The following CASR variants were observed in gnomAD, a reference collection of about 807,000 sequenced individuals.
The protein encoded by CASR is calcium sensing receptor, also known as extracellular calcium-sensing receptor.
CASR carries 23 observed loss-of-function variants against 69.1 expected under a neutral mutation model. The ratio of observed to expected loss-of-function variants is 0.33; its 90% CI spans 0.24 to 0.47. CASR has a LOEUF of 0.47. Ranked by LOEUF, CASR falls within the 20% of genes least tolerant of loss-of-function variation. The pLI is 1.00. For synonymous variants in CASR, 541 were observed against 544.7 expected, an observed-to-expected ratio of 0.99 and a Z score of 0.10; for missense variants, 924 against 1,356.1, an observed-to-expected ratio of 0.68 and a Z score of 5.00.
At chr3:122,276,082 G>A (rs1274379203) in intron 5 of CASR, 40 bp downstream of exon 5, 1 of 1,344,718 alleles carries the variant, frequency 7.4e-7, no homozygotes, top group Admixed American at 1.7e-5. Flanking sequence ...TCTCCACCAG[G>A]GGCAGGAAAC....
chr3:122,282,142 C>A lies in CASR; in HGVS notation c.1638C>A (p.Cys546Ter). 1 of 1,614,176 alleles carries A rather than the reference C, an allele frequency of 6.2e-7. No individual in the cohort carries two copies. The highest frequency in any genetic ancestry group is 8.5e-7 in the Non-Finnish European group (1 of 1,180,000). Residue 546 changes from cysteine to a stop codon, truncating the protein, a stop_gained, in exon 6 of 7, where the codon TGC becomes TGA. Transcript: ENST00000639785. LOFTEE classifies it high-confidence loss of function. ...CCTTCTCCAACTGCAGCCGAGACTG[C>A]CTGGCAGGGACCAGGAAAGGGATCA... ...EVPFSNCSRDCLAGTRKGIIE... is the reference protein window; with the variant it reads ...EVPFSNCSRD
At chr3:122,189,374 C>T (rs943002464) in intron 1 of CASR, among the ~76,000 whole-genome samples, 1 of 152,206 alleles carries the variant, frequency 6.6e-6, no homozygotes, top group Non-Finnish European at 1.5e-5. Flanking sequence ...AGCTGATATC[C>T]TTTGGCTCAG....
chr3:122,188,694 A>G (rs1464150856), intron 1 of CASR, among the ~76,000 whole-genome samples: 1 of 152,104 alleles, frequency 6.6e-6, no homozygotes, highest in Non-Finnish European at 1.5e-5. Flanking sequence ...CATTGCCTTG[A>G]AGTGACAGAT....
Position 122,284,983 on chromosome 3 carries a change from A to G in CASR, c.3029A>G (p.His1010Arg), listed in dbSNP as rs547957679. Residue 1010 changes from histidine to arginine, a missense_variant, in exon 7 of 7, where the codon CAC becomes CGC. This residue lies in a region of CASR where 201 missense variants were observed against 228.8 expected (regional missense o/e 0.88). Transcript: ENST00000639785. ...AAAAGCAGCGATACGCTGACCCGAC[A>G]CGAGCCATTACTCCCGCTGCAGTGC... Reference protein sequence around the residue: ...AQKSSDTLTRHEPLLPLQCGE... With the variant: ...AQKSSDTLTRREPLLPLQCGE... The G allele has an allele frequency of 2.5e-6, 4 of 1,612,866 alleles. No homozygotes were observed. The South Asian group carries it at 4.4e-5, about 18-fold the overall frequency.
At chr3:122,247,446 T>C (rs372087809) in intron 1 of CASR, 5 of 152,202 alleles carry the variant, frequency 3.3e-5, no homozygotes, top group Admixed American at 1.3e-4. Flanking sequence ...CTGGCATTTT[T>C]CTTTATAAAA....
intron 1 of CASR, among the ~76,000 whole-genome samples, chr3:122,249,613 A>G (rs1207092338): frequency 6.6e-6 from 1 of 152,236 alleles, no homozygotes; most frequent in Non-Finnish European, 1.5e-5. Flanking sequence ...CCTTCTAAAC[A>G]TAAAACCACC....
rs756322971 is a variant in CASR, at chr3:122,284,955, C to G, written c.3001C>G (p.Gln1001Glu). ...NSTHQNSLEA[Q>E]KSSDTLTRHE... ...TACGCACCAGAACTCCCTGGAGGCC[C>G]AGAAAAGCAGCGATACGCTGACCCG... The change falls in exon 7 of 7, where the codon CAG (glutamine) becomes GAG (glutamate). Residue 1001 changes from glutamine to glutamate, a missense_variant. This residue lies in a region of CASR where 201 missense variants were observed against 228.8 expected (regional missense o/e 0.88). Transcript: ENST00000639785. 1.2e-6 allele frequency: 2 copies of G among 1,614,060 alleles called. No homozygotes were observed. The highest frequency in any genetic ancestry group is 2.7e-5 in the African/African-American group (2 of 74,914).
At position 122,287,490 on chromosome 3, in the gene CASR, C is replaced by G. The variant is rs1386474817; in HGVS notation, c.*2299C>G. ...TCCAGCCTAGTGACAGAAACTTCAT[C>G]TTAGTCGAATCGGGGTTTTCACAGT... is the stretch of plus-strand genomic sequence containing the variant. On this transcript the variant is annotated 3_prime_UTR_variant, in exon 7 of 7. Coordinates refer to ENST00000639785, the MANE Select transcript of CASR (RefSeq NM_000388.4). 6.6e-6 allele frequency: 1 copy of G among 152,226 alleles called. No homozygotes were observed. The highest frequency in any genetic ancestry group is 6.5e-5 in the Admixed American group (1 of 15,286). The allele number at this position is 152,226 out of a possible 1,614,324, so 9.4% of individuals were successfully genotyped here.
At chr3:122,235,127 G>A (rs931275147) in intron 1 of CASR, among the ~76,000 whole-genome samples, 3 of 152,150 alleles carry the variant, frequency 2.0e-5, no homozygotes, top group Non-Finnish European at 4.4e-5. Context: ...GGTAAACAGG[G>A]TCCCAGACCT....
At chr3:122,257,037 G>A (rs750744770) in intron 2 of CASR, 44 bp from the exon 3 acceptor site, 2 of 1,562,856 alleles carry the variant, frequency 1.3e-6, no homozygotes, top group South Asian at 2.2e-5. Flanking sequence ...TAAAGTCGTT[G>A]ACTAGAAAGC....
At chr3:122,204,327 G>A (rs1056951197) in intron 1 of CASR, among the ~76,000 whole-genome samples, 1 of 152,052 alleles carries the variant, frequency 6.6e-6, no homozygotes, top group Non-Finnish European at 1.5e-5. Flanking sequence ...GAGAACATGC[G>A]ATATTTGTCT....
intron 1 of CASR, among the ~76,000 whole-genome samples, chr3:122,242,927 G>A (rs2074392234): frequency 6.6e-6 from 1 of 152,144 alleles, no homozygotes; most frequent in African/African-American, 2.4e-5. Flanking sequence ...TTGGAGAAAA[G>A]ACTGTCTCTT....
At chr3:122,192,134 A>G (rs1202486237) in intron 1 of CASR, among the ~76,000 whole-genome samples, 1 of 152,234 alleles carries the variant, frequency 6.6e-6, no homozygotes, top group East Asian at 1.9e-4. Flanking sequence ...ATCCAATAAT[A>G]AGGGAATGGT....
chr3:122,240,670 T>C lies in CASR; in HGVS notation c.-242-13278T>C, dbSNP rs1238533784. ...GAAACATCAGACTTAATCTGCAGTA[T>C]GAAACAAATGGACCTAATAGATATT... On this transcript the variant is annotated intron_variant, in intron 1 of 6. Transcript: ENST00000639785. 2.6e-5 allele frequency among the ~76,000 whole-genome samples: 4 copies of C among 152,202 alleles called. No homozygotes were observed. In the South Asian group the frequency reaches 8.3e-4, roughly 31 times the overall value.
rs2074638026 is a variant in CASR, at chr3:122,262,337, A to G, written c.1302A>G (p.Ile434Met). The G allele has an allele frequency of 1.2e-6, 2 of 1,613,924 alleles. No homozygotes were observed. The highest frequency in any genetic ancestry group is 1.7e-6 in the Non-Finnish European group (2 of 1,179,834). Residue 434 changes from isoleucine (I) to methionine (M), a missense_variant, in exon 4 of 7, where the codon ATA becomes ATG. Around this residue, in one of 8 missense-constraint regions of CASR, gnomAD observed 310 missense variants for 395.7 expected, o/e 0.78. Transcript: ENST00000639785. The part of the protein sequence containing the change: ...VYSIAHALQD[I>M]YTCLPGRGLF... ...CCATTGCCCACGCCTTGCAAGATAT[A>G]TATACCTGCTTACCTGGGAGAGGGC...
chr3:122,209,384 A>T (rs541787945), intron 1 of CASR, among the ~76,000 whole-genome samples: 1 of 152,338 alleles, frequency 6.6e-6, no homozygotes, highest in Admixed American at 6.5e-5. Flanking sequence ...CACACTGCTG[A>T]TAAAGATGGG....
rs1385120602 is a variant in CASR at position 122,205,805 on chromosome 3, C to A, written c.-243+21993C>A. Among the ~76,000 whole-genome samples the A allele has an allele frequency of 1.3e-5, 2 of 151,624 alleles. 1 individual carries two copies. Among genetic ancestry groups the A allele is most frequent in the African/African-American group, 4.8e-5 (2 of 41,346 alleles). On this transcript the variant is annotated intron_variant, in intron 1 of 6. Coordinates refer to ENST00000639785, the MANE Select transcript of CASR (RefSeq NM_000388.4). ...TTCACTTATTTGATTAAATTTATTC[C>A]TAGATATTTTATATTCTTTGTAGCT...
chr3:122,214,407 A>G (rs1011167052), intron 1 of CASR, among the ~76,000 whole-genome samples: 1 of 152,232 alleles, frequency 6.6e-6, no homozygotes, highest in Non-Finnish European at 1.5e-5. Flanking sequence ...TCCGCAGTCC[A>G]GAACCATTGA....
In CASR at chr3:122,257,267, C is replaced by T. The variant is rs757571398; in HGVS notation, c.372C>T (p.Asn124=). 1.2e-6 allele frequency: 2 copies of T among 1,614,120 alleles called. No homozygotes were observed. Among genetic ancestry groups the T allele is most frequent in the South Asian group, 1.1e-5 (1 of 91,082 alleles). ...FVAQNKIDSL[N]LDEFCNCSEH... ...CTCAAAACAAAATTGATTCTTTGAA[C>T]CTTGATGAGTTCTGCAACTGCTCAG... Residue 124 remains asparagine, a synonymous_variant, in exon 3 of 7, where the codon AAC becomes AAT. Coordinates refer to ENST00000639785, the MANE Select transcript of CASR (RefSeq NM_000388.4).
Sources: allele counts gnomAD v4.1 joint callset (sites outside exome capture counted in the v4.1 genomes callset), GRCh38; gene constraint gnomAD v4.1.1; regional missense constraint gnomAD v4.1.1; transcripts MANE v1.5; gene names NCBI Gene and HGNC (gene_info 2026-07-23, HGNC 2026-07-21).